The following XDH variants were observed in gnomAD, a reference collection of about 807,000 sequenced individuals.
XDH encodes the protein xanthine dehydrogenase/oxidase.
Under a neutral mutation model 156.1 loss-of-function variants are expected in XDH, and 138 were observed. The observed-to-expected ratio is 0.88, with a 90% CI of 0.77 to 1.02. XDH has a LOEUF of 1.02. XDH is among the 50% of genes least tolerant of loss of function. The probability of loss-of-function intolerance (pLI) is 0.00; values close to 1 mark genes in which losing one functional copy is unlikely to be tolerated. For missense variants in XDH, 1,849 were observed against 1,684.9 expected (o/e 1.10, Z -1.71); for synonymous variants, 669 against 625.7 (o/e 1.07, Z -1.03).
At chr2:31,342,042 C>G (rs1473500481) in intron 32 of XDH, 141 bp downstream of exon 32, 4 of 760,478 alleles carry the variant, frequency 5.3e-6, no homozygotes, top group Non-Finnish European at 8.9e-6. Context: ...CTCTGTGGCC[C>G]TTTATAGGAT....
intron 18 of XDH, among the ~76,000 whole-genome samples, chr2:31,369,326 A>T (rs1438850321): frequency 6.6e-6 from 1 of 152,214 alleles, no homozygotes; most frequent in Non-Finnish European, 1.5e-5. Flanking sequence ...AAATATTTTT[A>T]AAAATTTATA....
At chr2:31,405,767 A>G in intron 2 of XDH, 140 bp downstream of exon 2, 1 of 863,192 alleles carries the variant, frequency 1.2e-6, no homozygotes, top group Non-Finnish European at 1.9e-6. Context: ...CTAAAATGCA[A>G]GTGTCCCAAG....
chr2:31,381,582 A>G, intron 12 of XDH, 51 bp downstream of exon 12: 1 of 1,584,484 alleles, frequency 6.3e-7, no homozygotes. Context: ...ATCTGGTGAG[A>G]CTTTTCTCCC....
chr2:31,345,265 T>C (rs748917628), intron 30 of XDH, among the ~76,000 whole-genome samples: 1 of 152,044 alleles, frequency 6.6e-6, no homozygotes, highest in Non-Finnish European at 1.5e-5. Context: ...TGCCCTCCAT[T>C]CTCCCCTCCT....
At chr2:31,380,200 G>A (rs939009458) in intron 12 of XDH, among the ~76,000 whole-genome samples, 1 of 152,244 alleles carries the variant, frequency 6.6e-6, no homozygotes, top group Non-Finnish European at 1.5e-5. Flanking sequence ...CCGTGTAGGG[G>A]GAAAAGCCCT....
At chr2:31,366,369 G>A (rs1384062685) in intron 21 of XDH, among the ~76,000 whole-genome samples, 3 of 152,182 alleles carry the variant, frequency 2.0e-5, no homozygotes, top group Non-Finnish European at 1.5e-5. Flanking sequence ...GGTGACCAGC[G>A]ACTGGTAGAT....
chr2:31,403,135 C>T lies in XDH; in HGVS notation c.110G>A (p.Ser37Asn). 6.2e-7 allele frequency: 1 copy of T among 1,614,166 alleles called. No individual in the cohort carries two copies. Among genetic ancestry groups the T allele is most frequent in the Non-Finnish European group, 8.5e-7 (1 of 1,180,026 alleles). ...LAYLRRKLGL[S>N]GTKLGCGEGG... ...CTCTCCACAGCCGAGCTTGGTTCCA[C>T]TCAGCCCCACTGGGTGGTCAAGAGT... is the stretch of plus-strand genomic sequence containing the variant. The change falls in exon 3 of 36, where the codon AGT becomes AAT. Residue 37 changes from serine to asparagine, a missense_variant. Transcript: ENST00000379416.
At position 31,397,678 on chromosome 2, in the gene XDH, G is replaced by T. The variant is rs766718491; in HGVS notation, c.485C>A (p.Thr162Asn). The T allele has an allele frequency of 1.7e-5, 28 of 1,614,074 alleles. No homozygotes were observed. The East Asian group carries it at 5.8e-4, about 33-fold the overall frequency. The change falls in exon 6 of 36, where the codon ACC becomes AAC. Residue 162 changes from threonine (T) to asparagine (N), a missense_variant. Coordinates refer to ENST00000379416, the MANE Select transcript of XDH (RefSeq NM_000379.4). The stretch of plus-strand genomic sequence containing the variant: ...GGGGTCCCCACTTACCCTGGCAAAG[G>T]TCCGGAAGCCCTGGAGGATGGGTCT... ...GYRPILQGFR[T>N]FARDGGCCGG...
intron 4 of XDH, 112 bp from the exon 5 acceptor site, chr2:31,398,811 G>A (rs1686983374): frequency 3.2e-6 from 5 of 1,546,090 alleles, no homozygotes; most frequent in Non-Finnish European, 4.4e-6. Context: ...AGTAATCACT[G>A]CACAGAGTCA....
intron 1 of XDH, among the ~76,000 whole-genome samples, chr2:31,407,516 C>T (rs3769616): frequency 0.036 from 5,414 of 152,182 alleles, 123 homozygotes; most frequent in South Asian, 0.08. Context: ...AGAACAGCAG[C>T]CTGAGAAAAG....
chr2:31,375,510 G>A lies in XDH; in HGVS notation c.1472C>T (p.Ala491Val). ...ELLQDVCAGLAEELHLPPDAP... is the reference protein window; with the variant it reads ...ELLQDVCAGLVEELHLPPDAP... Reference sequence around the variant, plus strand: ...ATCGGGAGGCAGATGCAGCTCCTCTGCCAGTCCTGCACACACGTCCTGCAG... The same window carrying A: ...ATCGGGAGGCAGATGCAGCTCCTCTACCAGTCCTGCACACACGTCCTGCAG... Residue 491 changes from alanine to valine, a missense_variant, in exon 15 of 36, where the codon GCA (alanine) becomes GTA (valine). Transcript: ENST00000379416. The A allele has an allele frequency of 6.2e-7, 1 of 1,614,016 alleles. No individual in the cohort carries two copies. Among genetic ancestry groups the A allele is most frequent in the Non-Finnish European group, 8.5e-7 (1 of 1,180,030 alleles).
At chr2:31,408,690 T>C (rs188598882) in intron 1 of XDH, among the ~76,000 whole-genome samples, 2 of 152,284 alleles carry the variant, frequency 1.3e-5, no homozygotes, top group Admixed American at 6.5e-5. Flanking sequence ...GAATCATCAA[T>C]GGAAATTAGT....
chr2:31,372,451 A>G (rs1291674404), intron 16 of XDH, 54 bp from the exon 17 acceptor site: 18 of 1,611,730 alleles, frequency 1.1e-5, no homozygotes, highest in Non-Finnish European at 1.4e-5. Context: ...CTGCCCCTCT[A>G]TGGGCCCAGG....
chr2:31,359,818 C>T (rs182796702), intron 24 of XDH, among the ~76,000 whole-genome samples: 1 of 152,176 alleles, frequency 6.6e-6, no homozygotes. Flanking sequence ...TAAATGTGTC[C>T]TAAATTGTGG....
chr2:31,345,886 A>G (rs996579054), intron 30 of XDH, among the ~76,000 whole-genome samples: 10 of 152,214 alleles, frequency 6.6e-5, no homozygotes, highest in African/African-American at 2.2e-4. Context: ...TGTTAAAAAC[A>G]TTTAAACTGC....
intron 1 of XDH, among the ~76,000 whole-genome samples, chr2:31,407,918 T>G (rs180937667): frequency 6.6e-6 from 1 of 152,318 alleles, no homozygotes; most frequent in East Asian, 1.9e-4. Flanking sequence ...TAATCATAAA[T>G]GCACAAAATA....
intron 24 of XDH, among the ~76,000 whole-genome samples, chr2:31,351,469 G>A (rs1470702683): frequency 4.0e-5 from 6 of 151,754 alleles, no homozygotes; most frequent in African/African-American, 1.2e-4. Context: ...ATTTAAATTC[G>A]CTGCCCACTA....
chr2:31,397,615 G>A (rs1175686768), intron 6 of XDH, 53 bp downstream of exon 6: 2 of 1,608,186 alleles, frequency 1.2e-6, no homozygotes, highest in East Asian at 2.2e-5. Flanking sequence ...AGTGATTTCT[G>A]AGTGTTGCCA....
chr2:31,395,985 C>A (rs544401003), intron 6 of XDH, among the ~76,000 whole-genome samples: 1 of 152,288 alleles, frequency 6.6e-6, no homozygotes, highest in East Asian at 1.9e-4. Context: ...GTGTGCCCAC[C>A]TCTAGTTGAC....
Sources: allele counts gnomAD v4.1 joint callset (sites outside exome capture counted in the v4.1 genomes callset), GRCh38; gene constraint gnomAD v4.1.1; transcripts MANE v1.5; gene names NCBI Gene and HGNC (gene_info 2026-07-23, HGNC 2026-07-21).